The following NTRK3 variants were observed in gnomAD, a reference collection of about 807,000 sequenced individuals.
The protein encoded by NTRK3 is NT-3 growth factor receptor.
Under a neutral mutation model 91.7 loss-of-function variants are expected in NTRK3, and 24 were observed. The observed-to-expected ratio is 0.26, with a 90% CI of 0.19 to 0.37. The LOEUF (loss-of-function observed/expected upper bound fraction) is 0.37, where lower values mean the gene tolerates loss of function less well. NTRK3 is among the 10% of genes least tolerant of loss of function. The probability of loss-of-function intolerance (pLI) is 1.00; values close to 1 mark genes in which losing one functional copy is unlikely to be tolerated. For synonymous variants in NTRK3, 483 were observed against 404.0 expected (o/e 1.20, Z -2.34); for missense variants, 880 against 1,068.9 (o/e 0.82, Z 2.46).
At chr15:88,155,805 C>CT (rs374120836) in intron 5 of NTRK3, among the ~76,000 whole-genome samples, 6 of 150,560 alleles carry the variant, frequency 4.0e-5, no homozygotes, top group African/African-American at 1.2e-4. Flanking sequence ...TGTAATCTAT[C>CT]ATCTATCTAT....
chr15:87,939,678 G>C (rs1419604550), intron 15 of NTRK3, among the ~76,000 whole-genome samples: 1 of 152,112 alleles, frequency 6.6e-6, no homozygotes, highest in African/African-American at 2.4e-5. Flanking sequence ...CTCTGGCATC[G>C]GTCAGCCCAC....
chr15:87,965,075 A>T (rs146454930), intron 14 of NTRK3, among the ~76,000 whole-genome samples: 1 of 152,266 alleles, frequency 6.6e-6, no homozygotes, highest in Non-Finnish European at 1.5e-5. Context: ...TTTTAAAAAA[A>T]GGTAGCAAAG....
intron 5 of NTRK3, among the ~76,000 whole-genome samples, chr15:88,181,167 C>T (rs918218088): frequency 2.0e-5 from 3 of 152,296 alleles, no homozygotes; most frequent in African/African-American, 7.2e-5. Flanking sequence ...ATAACAAGTA[C>T]TTTGGCAAGA....
At chr15:88,012,395 G>T (rs995259292) in intron 14 of NTRK3, among the ~76,000 whole-genome samples, 3 of 152,208 alleles carry the variant, frequency 2.0e-5, no homozygotes, top group Middle Eastern at 3.4e-3. Flanking sequence ...TCATTCTTGC[G>T]CCTTGCTTAC....
chr15:88,178,945 T>G (rs988558402), intron 5 of NTRK3, among the ~76,000 whole-genome samples: 13 of 152,212 alleles, frequency 8.5e-5, no homozygotes, highest in African/African-American at 2.9e-4. Flanking sequence ...AAAACGCTCC[T>G]GGGACGTAAA....
At chr15:87,980,324 T>C (rs2074115008) in intron 14 of NTRK3, among the ~76,000 whole-genome samples, 1 of 151,386 alleles carries the variant, frequency 6.6e-6, no homozygotes, top group African/African-American at 2.4e-5. Context: ...AGAGTGTGTG[T>C]GTGCATTTGC....
At chr15:88,050,938 T>C (rs16941189) in intron 13 of NTRK3, among the ~76,000 whole-genome samples, 1,760 of 152,298 alleles carry the variant, frequency 0.012, 42 homozygotes, top group African/African-American at 0.037. Context: ...GGAAACAATA[T>C]GATAAGAGAG....
At chr15:88,174,024 T>C (rs1246524393) in intron 5 of NTRK3, among the ~76,000 whole-genome samples, 1 of 152,220 alleles carries the variant, frequency 6.6e-6, no homozygotes, top group Non-Finnish European at 1.5e-5. Flanking sequence ...GCTTCACTGA[T>C]ATTATGTCCC....
chr15:87,866,288 T>C (rs1209179712), exon 19 of NTRK3: 3 of 200,100 alleles, frequency 1.5e-5, no homozygotes, highest in Non-Finnish European at 3.1e-5. Context: ...AAAGCATTCA[T>C]AATAGACCCC....
chr15:88,155,777 CA>C (rs2043830342), intron 5 of NTRK3, among the ~76,000 whole-genome samples: 1 of 152,010 alleles, frequency 6.6e-6, no homozygotes, highest in Non-Finnish European at 1.5e-5. Flanking sequence ...CCAATATATC[CA>C]AAACATCAAT....
chr15:88,236,385 A>G (rs923450451), intron 3 of NTRK3, among the ~76,000 whole-genome samples: 3 of 152,084 alleles, frequency 2.0e-5, no homozygotes, highest in Non-Finnish European at 4.4e-5. Context: ...GAAAAAGCCC[A>G]AAACAGGCTG....
chr15:87,979,986 G>A, intron 14 of NTRK3, among the ~76,000 whole-genome samples: 1 of 152,152 alleles, frequency 6.6e-6, no homozygotes, highest in East Asian at 1.9e-4. Context: ...GGAGGTGGGG[G>A]TGCTATACTC....
intron 10 of NTRK3, among the ~76,000 whole-genome samples, chr15:88,130,764 AAG>A (rs2041252845): frequency 1.3e-5 from 2 of 152,246 alleles, no homozygotes; most frequent in South Asian, 2.1e-4. Context: ...CCCAGATTTA[AAG>A]AGAGTGAGAT....
intron 10 of NTRK3, among the ~76,000 whole-genome samples, chr15:88,131,623 G>A (rs981754512): frequency 6.6e-6 from 1 of 152,218 alleles, no homozygotes; most frequent in Non-Finnish European, 1.5e-5. Flanking sequence ...TCAATTCGCA[G>A]TTTACATTCA....
At chr15:88,126,241 A>G in intron 13 of NTRK3, 30 bp downstream of exon 13, 1 of 1,452,254 alleles carries the variant, frequency 6.9e-7, no homozygotes, top group Non-Finnish European at 9.7e-7. Flanking sequence ...TCCCCCCATG[A>G]CGCCCTTGAA....
At chr15:87,880,520 G>T in intron 17 of NTRK3, 92 bp from the exon 19 acceptor site, 1 of 1,334,818 alleles carries the variant, frequency 7.5e-7, no homozygotes, top group South Asian at 1.2e-5. Context: ...ATGCACTCTT[G>T]ATGCATCCTA....
At chr15:87,980,899 T>C (rs1304973623) in intron 14 of NTRK3, among the ~76,000 whole-genome samples, 1 of 151,960 alleles carries the variant, frequency 6.6e-6, no homozygotes, top group African/African-American at 2.4e-5. Context: ...AGATAAAGGT[T>C]ATCTGGGGTA....
At chr15:88,135,304 T>C in exon 10 of NTRK3, 1 of 1,614,206 alleles carries the variant, frequency 6.2e-7, no homozygotes. Context: ...GTGCAGCCAG[T>C]GCAGCGTTGG....
In NTRK3 at chr15:88,235,580, G is replaced by A. The variant is rs1017987271; in HGVS notation, c.248+20326C>T. On this transcript the variant is annotated intron_variant, in intron 3 of 18. Transcript: ENST00000394480. The surrounding 1 kb of genome is among the most constrained non-coding windows in gnomAD (Gnocchi z 5.2). ...CCCCTGGGAGGAGCAGCACAACTGGGGTGGATGGAGAACCCCAAGGAAACG... is the reference window on the plus strand; with the variant it reads ...CCCCTGGGAGGAGCAGCACAACTGGAGTGGATGGAGAACCCCAAGGAAACG... Among the ~76,000 whole-genome samples, 8 of 152,242 alleles carry A rather than the reference G, an allele frequency of 5.3e-5. No homozygotes were observed. The highest frequency in any genetic ancestry group is 2.1e-4 in the South Asian group (1 of 4,822).
Sources: gnomAD v4.1 joint callset for allele counts (sites outside exome capture counted in the v4.1 genomes callset) on GRCh38, gnomAD v4.1.1 for gene constraint, Gnocchi (gnomAD v3.1) non-coding constraint, MANE v1.5 for transcripts, NCBI Gene and HGNC (gene_info 2026-07-23, HGNC 2026-07-21) for gene names.